The following GFRA1 variants were observed in gnomAD, a reference collection of about 807,000 sequenced individuals.
The protein encoded by GFRA1 is GDNF family receptor alpha-1.
A neutral mutation model predicts 51.6 loss-of-function variants in GFRA1; 16 were observed. That is an observed-to-expected ratio of 0.31 (90% CI 0.21 to 0.47). The LOEUF (loss-of-function observed/expected upper bound fraction) is 0.47. GFRA1 is among the 20% of genes least tolerant of loss of function. The pLI, the probability that GFRA1 is intolerant of heterozygous loss-of-function variation, is 1.00. For missense variants in GFRA1, 530 were observed against 594.3 expected, an observed-to-expected ratio of 0.89 and a Z score of 1.13; for synonymous variants, 270 against 241.3, an observed-to-expected ratio of 1.12 and a Z score of -1.10.
intron 4 of GFRA1, among the ~76,000 whole-genome samples, chr10:116,219,765 A>G (rs551370828): frequency 3.1e-4 from 47 of 152,340 alleles, no homozygotes; most frequent in Admixed American, 9.8e-4. Context: ...TCCATCTTCC[A>G]GAAGAAATTA....
At chr10:116,187,512 A>G (rs1962839396) in intron 5 of GFRA1, among the ~76,000 whole-genome samples, 1 of 152,336 alleles carries the variant, frequency 6.6e-6, no homozygotes, top group South Asian at 2.1e-4. Flanking sequence ...TAATATTAAT[A>G]AAGCCAAATT....
intron 4 of GFRA1, among the ~76,000 whole-genome samples, chr10:116,264,807 C>T (rs11197612): frequency 0.3 from 45,056 of 152,046 alleles, 7,893 homozygotes; most frequent in Non-Finnish European, 0.4. Flanking sequence ...AGGAGTTTAC[C>T]ATATGCCAGA....
intron 6 of GFRA1, among the ~76,000 whole-genome samples, chr10:116,097,118 T>A (rs183675382): frequency 6.6e-6 from 1 of 151,398 alleles, no homozygotes; most frequent in Non-Finnish European, 1.5e-5. Context: ...TTAGGAAATA[T>A]GCTTCTCCAC....
chr10:116,163,047 C>T (rs994990091), intron 5 of GFRA1, among the ~76,000 whole-genome samples: 1 of 152,148 alleles, frequency 6.6e-6, no homozygotes, highest in Non-Finnish European at 1.5e-5. Flanking sequence ...TGGTCCATAG[C>T]GTGGGAAAGG....
intron 5 of GFRA1, among the ~76,000 whole-genome samples, chr10:116,128,985 A>T (rs1957991977): frequency 6.6e-6 from 1 of 152,112 alleles, no homozygotes; most frequent in Admixed American, 6.6e-5. Flanking sequence ...TTCTATTTTC[A>T]TCTATATATA....
intron 4 of GFRA1, among the ~76,000 whole-genome samples, chr10:116,257,325 C>A (rs1480250260): frequency 6.6e-6 from 1 of 151,272 alleles, no homozygotes; most frequent in Admixed American, 6.6e-5. Flanking sequence ...CAGGACCACC[C>A]AGGGAGATGC....
At chr10:116,082,194 G>C (rs1024289778) in intron 9 of GFRA1, among the ~76,000 whole-genome samples, 1 of 152,144 alleles carries the variant, frequency 6.6e-6, no homozygotes, top group African/African-American at 2.4e-5. Context: ...CTGGTCACCA[G>C]GCTGGACCAA....
At chr10:116,205,596 G>GAGATATATAT (rs1964679507) in intron 5 of GFRA1, among the ~76,000 whole-genome samples, 1 of 140,562 alleles carries the variant, frequency 7.1e-6, no homozygotes, top group African/African-American at 2.6e-5. Flanking sequence ...AAAAAAAAAA[G>GAGATATATAT]ATATATATAT....
At chr10:116,088,774 A>C (rs564837399) in intron 9 of GFRA1, among the ~76,000 whole-genome samples, 1 of 152,084 alleles carries the variant, frequency 6.6e-6, no homozygotes, top group Admixed American at 6.5e-5. Flanking sequence ...ACAAAAAATT[A>C]GCCAGGCGTG....
At chr10:116,227,561 C>A (rs1188371049) in intron 4 of GFRA1, among the ~76,000 whole-genome samples, 1 of 152,212 alleles carries the variant, frequency 6.6e-6, no homozygotes, top group Non-Finnish European at 1.5e-5. Context: ...TGATTTATAT[C>A]AACTAGCATC....
At chr10:116,128,377 A>G (rs967714447) in intron 5 of GFRA1, among the ~76,000 whole-genome samples, 1 of 152,192 alleles carries the variant, frequency 6.6e-6, no homozygotes, top group Admixed American at 6.5e-5. Flanking sequence ...AACATCTAGG[A>G]AATTTATTTT....
chr10:116,195,224 A>C (rs1182131422), intron 5 of GFRA1, among the ~76,000 whole-genome samples: 1 of 152,198 alleles, frequency 6.6e-6, no homozygotes, highest in African/African-American at 2.4e-5. Context: ...CCTTTGTTTT[A>C]AATTGCCCTG....
chr10:116,221,129 C>A (rs1362509517), intron 4 of GFRA1, among the ~76,000 whole-genome samples: 1 of 152,160 alleles, frequency 6.6e-6, no homozygotes, highest in East Asian at 1.9e-4. Flanking sequence ...AAATACTTTA[C>A]ATAGACTGCC....
At chr10:116,241,034 T>C (rs1040999029) in intron 4 of GFRA1, among the ~76,000 whole-genome samples, 3 of 152,270 alleles carry the variant, frequency 2.0e-5, no homozygotes, top group Admixed American at 2.0e-4. Context: ...ACCAATGTAC[T>C]AAAGTGCATA....
intron 4 of GFRA1, among the ~76,000 whole-genome samples, chr10:116,230,514 A>T (rs1966609249): frequency 6.6e-6 from 1 of 152,222 alleles, no homozygotes; most frequent in South Asian, 2.1e-4. Context: ...AGACACACAC[A>T]TATATAGATA....
chr10:116,212,063 G>T (rs1965233252), intron 4 of GFRA1, among the ~76,000 whole-genome samples: 1 of 152,118 alleles, frequency 6.6e-6, no homozygotes, highest in African/African-American at 2.4e-5. Context: ...TTTTATAGAT[G>T]GGGAAACTGA....
intron 5 of GFRA1, among the ~76,000 whole-genome samples, chr10:116,163,760 G>C (rs1411727727): frequency 6.6e-6 from 1 of 152,142 alleles, no homozygotes; most frequent in Non-Finnish European, 1.5e-5. Context: ...AGGGGATCTG[G>C]ATGAGCCATA....
At chr10:116,078,419 T>C (rs1955707160) in intron 9 of GFRA1, among the ~76,000 whole-genome samples, 1 of 152,166 alleles carries the variant, frequency 6.6e-6, no homozygotes, top group African/African-American at 2.4e-5. Context: ...AGGAGGTCAC[T>C]GGTAGCCTGT....
chr10:116,083,174 C>T (rs1170807636), intron 9 of GFRA1, among the ~76,000 whole-genome samples: 1 of 152,204 alleles, frequency 6.6e-6, no homozygotes, highest in Admixed American at 6.5e-5. Flanking sequence ...AAACTGTTAA[C>T]CATGGGTGAA....
Sources: allele counts gnomAD v4.1 joint callset (sites outside exome capture counted in the v4.1 genomes callset), GRCh38; gene constraint gnomAD v4.1.1; transcripts MANE v1.5; gene names NCBI Gene and HGNC (gene_info 2026-07-23, HGNC 2026-07-21).